KCNQ4: variants seen among roughly 807,000 people sequenced by gnomAD.
KCNQ4 encodes the protein potassium voltage-gated channel subfamily KQT member 4.
KCNQ4 carries 31 observed loss-of-function variants against 72.6 expected under a neutral mutation model. The ratio of observed to expected loss-of-function variants is 0.43; its 90% confidence interval spans 0.32 to 0.58. The LOEUF is 0.58. KCNQ4 is among the 20% of genes least tolerant of loss of function. The probability of loss-of-function intolerance (pLI) is 0.08; values close to 1 mark genes in which losing one functional copy is unlikely to be tolerated. For synonymous variants in KCNQ4, 405 were observed against 403.7 expected (o/e 1.00, Z -0.04); for missense variants, 869 against 962.6 (o/e 0.90, Z 1.29).
intron 9 of KCNQ4, among the ~76,000 whole-genome samples, chr1:40,825,221 TG>T (rs1451390817): frequency 1.3e-5 from 2 of 152,170 alleles, no homozygotes; most frequent in African/African-American, 4.8e-5. Context: ...AATGGACATC[TG>T]GCCTTTGAGC....
At chr1:40,819,238 C>A in intron 4 of KCNQ4, 109 bp from the exon 5 acceptor site, 2 of 1,364,086 alleles carry the variant, frequency 1.5e-6, no homozygotes, top group Non-Finnish European at 2.1e-6. Flanking sequence ...AAAAGCGAGC[C>A]TGGGACTCCG....
At chr1:40,806,581 C>T (rs1023519656) in intron 1 of KCNQ4, among the ~76,000 whole-genome samples, 10 of 152,180 alleles carry the variant, frequency 6.6e-5, no homozygotes, top group Non-Finnish European at 1.2e-4. Flanking sequence ...TTTCATGTCC[C>T]GTGGGACAGA....
chr1:40,838,169 C>T, intron 13 of KCNQ4, 142 bp from the exon 14 acceptor site: 1 of 777,364 alleles, frequency 1.3e-6, no homozygotes, highest in South Asian at 1.5e-5. Flanking sequence ...AGCCAAGCTC[C>T]ACCTTTCCAG....
chr1:40,822,482 G>A, intron 8 of KCNQ4, 80 bp downstream of exon 8: 1 of 1,208,998 alleles, frequency 8.3e-7, no homozygotes, highest in Non-Finnish European at 1.2e-6. Context: ...ACTCAACCCT[G>A]GAGGGTGGAA....
chr1:40,838,224 T>TAGGGTCCGCCCCGAGACCC, intron 13 of KCNQ4, 87 bp from the exon 14 acceptor site: 1 of 1,153,332 alleles, frequency 8.7e-7, no homozygotes, highest in Non-Finnish European at 1.3e-6. Context: ...CTCCACCGGC[T>TAGGGTCCGCCCCGAGACCC]AGGGTCCGCC....
At chr1:40,791,298 A>G (rs1225518706) in intron 1 of KCNQ4, among the ~76,000 whole-genome samples, 1 of 152,176 alleles carries the variant, frequency 6.6e-6, no homozygotes, top group Non-Finnish European at 1.5e-5. Context: ...CTGCTGTCTC[A>G]GGACCTTGAA....
intron 1 of KCNQ4, among the ~76,000 whole-genome samples, chr1:40,787,592 C>T (rs1449945495): frequency 6.6e-6 from 1 of 152,176 alleles, no homozygotes; most frequent in Non-Finnish European, 1.5e-5. Flanking sequence ...GAGAGGACTG[C>T]TGACTCCTGT....
At chr1:40,810,816 G>A (rs978561083) in intron 1 of KCNQ4, among the ~76,000 whole-genome samples, 2 of 152,144 alleles carry the variant, frequency 1.3e-5, no homozygotes, top group African/African-American at 2.4e-5. Context: ...AGTTGTCCCC[G>A]ACCTTTGTGT....
chr1:40,833,104 G>A lies in KCNQ4; in HGVS notation c.1604G>A (p.Arg535His), dbSNP rs1282404548. Residue 535 changes from arginine to histidine, a missense_variant, in exon 11 of 14, where the codon CGC (arginine) becomes CAC (histidine). Arg to His is a conservative substitution (Grantham distance 29, BLOSUM62 0). Around this residue, in one of 5 missense-constraint regions of KCNQ4, gnomAD observed 480 missense variants for 501.9 expected, o/e 0.96. Coordinates refer to ENST00000347132, the MANE Select transcript of KCNQ4 (RefSeq NM_004700.4). ...ATGCCTGCTGTGAAGACAGTCATCC[G>A]CTCCATCAGGTAAGACTGAGGCCTG... is the stretch of plus-strand genomic sequence containing the variant. ...DIMPAVKTVI[R>H]SIRILKFLVA... The A allele has an allele frequency of 2.5e-6, 4 of 1,610,488 alleles. No individual in the cohort carries two copies. Among genetic ancestry groups the A allele is most frequent in the South Asian group, 1.1e-5 (1 of 91,044 alleles).
chr1:40,812,817 T>C (rs1476441889), intron 1 of KCNQ4, among the ~76,000 whole-genome samples: 1 of 152,232 alleles, frequency 6.6e-6, no homozygotes, highest in African/African-American at 2.4e-5. Flanking sequence ...TTTGGCTTGG[T>C]AACATGGTGT....
In KCNQ4 at chr1:40,797,776, C is replaced by T. The variant is rs144103196; in HGVS notation, c.314+13369C>T. 1.7e-3 allele frequency among the ~76,000 whole-genome samples: 256 copies of T among 152,220 alleles called. 2 individuals are homozygous for T. The highest frequency in any genetic ancestry group is 5.9e-3 in the African/African-American group (247 of 41,524). ...TGCTCAGGGCCTGGCTCAACCTGAC[C>T]CGGAGCCCTAGGACTTTGCCTATAG... On this transcript the variant is annotated intron_variant, in intron 1 of 13. Coordinates refer to ENST00000347132, the MANE Select transcript of KCNQ4 (RefSeq NM_004700.4).
intron 8 of KCNQ4, among the ~76,000 whole-genome samples, chr1:40,823,324 G>T (rs1445879410): frequency 6.6e-6 from 1 of 152,166 alleles, no homozygotes; most frequent in African/African-American, 2.4e-5. Flanking sequence ...ACCTCAGAGT[G>T]GGAAGGTGAC....
At chr1:40,803,883 G>A (rs1411891764) in intron 1 of KCNQ4, among the ~76,000 whole-genome samples, 1 of 152,206 alleles carries the variant, frequency 6.6e-6, no homozygotes, top group Non-Finnish European at 1.5e-5. Flanking sequence ...GGTCCTCAAT[G>A]GCTGAGTCTA....
rs1450264602 is a variant in KCNQ4, at chr1:40,817,325, G to A, written c.375G>A (p.Gln125=). The change falls in exon 2 of 14, where the codon CAG becomes CAA. Residue 125 remains glutamine (Q), a synonymous_variant. Coordinates refer to ENST00000347132, the MANE Select transcript of KCNQ4 (RefSeq NM_004700.4). This position sits in a 1 kb window ranked among gnomAD's most constrained non-coding sequence, Gnocchi z 5.5. The part of the protein sequence containing the change: ...LSVLSTIQEH[Q]ELANECLLIL... The stretch of plus-strand genomic sequence containing the variant: ...TGCTGTCCACTATCCAGGAGCACCA[G>A]GAACTTGCCAACGAGTGTCTCCTCA... 2.5e-6 allele frequency: 4 copies of A among 1,613,906 alleles called. No homozygotes were observed. The highest frequency in any genetic ancestry group is 3.4e-6 in the Non-Finnish European group (4 of 1,179,986).
At chr1:40,805,078 T>G (rs1003737052) in intron 1 of KCNQ4, 2 of 152,040 alleles carry the variant, frequency 1.3e-5, no homozygotes, top group Non-Finnish European at 2.9e-5. Flanking sequence ...TGACCAGTAG[T>G]GGGATCACAC....
At position 40,827,247 on chromosome 1, in the gene KCNQ4, G is replaced by A. The variant is rs572893356; in HGVS notation, c.1292+2989G>A. Among the ~76,000 whole-genome samples, 3 of 152,278 alleles carry A rather than the reference G, an allele frequency of 2.0e-5. No homozygotes were observed. The South Asian group carries it at 6.2e-4, about 32-fold the overall frequency. ...GGGACACGGTGATGAATAAAACATC[G>A]TCCTCGGAGAGTTGCAAAGAGTAAT... On this transcript the variant is annotated intron_variant, in intron 9 of 13. Transcript: ENST00000347132.
rs770239481 is a variant in KCNQ4 at position 40,817,502 on chromosome 1, G to A, written c.405+147G>A. On this transcript the variant is annotated intron_variant, in intron 2 of 13. Transcript: ENST00000347132. The surrounding 1 kb of genome is among the most constrained non-coding windows in gnomAD (Gnocchi z 5.5). ...GGGGCTGTGTGAGGTAGCACCTCTGGGCTGGGAGTCCGGGACTGAGGGGGG... is the reference window on the plus strand; with the variant it reads ...GGGGCTGTGTGAGGTAGCACCTCTGAGCTGGGAGTCCGGGACTGAGGGGGG... The A allele has an allele frequency of 7.6e-5, 46 of 604,130 alleles. No homozygotes were observed. The highest frequency in any genetic ancestry group is 1.3e-4 in the Non-Finnish European group (44 of 342,016). 37.4% of individuals were successfully genotyped at this position (604,130 alleles called of 1,614,324 possible). A position where few individuals can be genotyped will look rare whatever the true frequency, so the allele number is the denominator to read the frequency against.
chr1:40,828,235 A>G (rs1648541398), intron 9 of KCNQ4, among the ~76,000 whole-genome samples: 2 of 152,320 alleles, frequency 1.3e-5, no homozygotes, highest in South Asian at 4.1e-4. Flanking sequence ...GCCTGGGCAG[A>G]GCTCGGCCTC....
intron 9 of KCNQ4, among the ~76,000 whole-genome samples, chr1:40,828,438 G>A (rs924499624): frequency 3.9e-5 from 6 of 152,280 alleles, no homozygotes; most frequent in African/African-American, 1.4e-4. Context: ...ACTAGACATT[G>A]CCACATGTCC....
Sources: gnomAD v4.1 joint callset for allele counts (sites outside exome capture counted in the v4.1 genomes callset) on GRCh38, gnomAD v4.1.1 for gene constraint, gnomAD v4.1.1 regional missense constraint, Gnocchi (gnomAD v3.1) non-coding constraint, MANE v1.5 for transcripts, NCBI Gene and HGNC (gene_info 2026-07-23, HGNC 2026-07-21) for gene names.